APLF: variants seen among roughly 807,000 people sequenced by gnomAD.
The protein encoded by APLF is aprataxin and PNKP like factor.
APLF carries 61 observed loss-of-function variants against 55.6 expected under a neutral mutation model. That is an observed-to-expected ratio of 1.10 (90% CI 0.89 to 1.36). The LOEUF (loss-of-function observed/expected upper bound fraction) is 1.36, where lower values mean the gene tolerates loss of function less well. Ranked by LOEUF, APLF falls within the 40% of genes most tolerant of loss-of-function variation. The probability of loss-of-function intolerance (pLI) is 0.00; values close to 1 mark genes in which losing one functional copy is unlikely to be tolerated. For missense variants in APLF, 611 were observed against 602.5 expected, an observed-to-expected ratio of 1.01 and a Z score of -0.15; for synonymous variants, 207 against 214.8, an observed-to-expected ratio of 0.96 and a Z score of 0.32.
chr2:68,469,996 G>A (rs1675568496), intron 1 of APLF, among the ~76,000 whole-genome samples: 1 of 152,160 alleles, frequency 6.6e-6, no homozygotes, highest in South Asian at 2.1e-4. Flanking sequence ...TATTTTTATG[G>A]TGGTAGGAAA....
At position 68,578,536 on chromosome 2, in the gene APLF, A is replaced by C; in HGVS notation, c.*514A>C. On this transcript the variant is annotated 3_prime_UTR_variant, in exon 10 of 10. Coordinates refer to ENST00000303795, the MANE Select transcript of APLF (RefSeq NM_173545.3). ...AGATGTGAGCTTTGCAATTTCACTTACTACTTTTATCCTTCAAAACTTGGG... is the reference window on the plus strand; with the variant it reads ...AGATGTGAGCTTTGCAATTTCACTTCCTACTTTTATCCTTCAAAACTTGGG... 1 of 985,842 alleles carries C rather than the reference A, an allele frequency of 1.0e-6. No homozygotes were observed. The highest frequency in any genetic ancestry group is 1.2e-6 in the Non-Finnish European group (1 of 830,304). The allele number at this position is 985,842 out of a possible 1,614,324, so 61.1% of individuals were successfully genotyped here.
intron 2 of APLF, among the ~76,000 whole-genome samples, chr2:68,491,547 C>T (rs1676361462): frequency 6.6e-6 from 1 of 152,146 alleles, no homozygotes; most frequent in African/African-American, 2.4e-5. Context: ...AATGAACTAC[C>T]ATGGCCTAAA....
At position 68,529,334 on chromosome 2, in the gene APLF, A is replaced by T. The variant is rs1670176271; in HGVS notation, c.804+3092A>T. The T allele has an allele frequency of 4.5e-6, 6 of 1,347,308 alleles. No individual in the cohort carries two copies. The highest frequency in any genetic ancestry group is 5.7e-6 in the Non-Finnish European group (6 of 1,050,594). The allele number at this position is 1,347,308 out of a possible 1,614,324, so 83.5% of individuals were successfully genotyped here. A position where few individuals can be genotyped will look rare whatever the true frequency, so the allele number is the denominator to read the frequency against. On this transcript the variant is annotated intron_variant, in intron 6 of 9. Coordinates refer to ENST00000303795, the MANE Select transcript of APLF (RefSeq NM_173545.3). This position sits in a 1 kb window ranked among gnomAD's most constrained non-coding sequence, Gnocchi z 4.4. The stretch of plus-strand genomic sequence containing the variant: ...ACAGCCAAAGAGTCCTGGGGCAGGC[A>T]CAGGTGCAGGAGCCGCGGGGTGAGC...
chr2:68,493,740 G>C lies in APLF; in HGVS notation c.168+3479G>C, dbSNP rs560785003. ...ACAATTTGGGAGGTGAAGGCGGGCA[G>C]ATCACTTAAGGTCAGAAGTTCAAGA... is the stretch of plus-strand genomic sequence containing the variant. On this transcript the variant is annotated intron_variant, in intron 2 of 9. Coordinates refer to ENST00000303795, the MANE Select transcript of APLF (RefSeq NM_173545.3). Among the ~76,000 whole-genome samples the C allele has an allele frequency of 9.3e-4, 142 of 152,284 alleles. 1 individual carries two copies. Among genetic ancestry groups the C allele is most frequent in the Non-Finnish European group, 1.9e-3 (126 of 68,018 alleles).
At chr2:68,481,121 G>C (rs895611351) in intron 1 of APLF, among the ~76,000 whole-genome samples, 1 of 152,108 alleles carries the variant, frequency 6.6e-6, no homozygotes, top group Non-Finnish European at 1.5e-5. Flanking sequence ...GGGTAATACT[G>C]GCTTCATGTA....
chr2:68,549,603 T>TA (rs1474133503), intron 8 of APLF, among the ~76,000 whole-genome samples: 1 of 152,182 alleles, frequency 6.6e-6, no homozygotes, highest in African/African-American at 2.4e-5. Flanking sequence ...GGTGTGCACT[T>TA]ACATGTGTAT....
At chr2:68,483,012 C>G (rs1345781681) in intron 1 of APLF, among the ~76,000 whole-genome samples, 2 of 151,604 alleles carry the variant, frequency 1.3e-5, no homozygotes, top group Non-Finnish European at 2.9e-5. Flanking sequence ...GGCCCAGGCT[C>G]TCAGTAACTG....
chr2:68,490,622 A>C (rs1676328815), intron 2 of APLF, among the ~76,000 whole-genome samples: 1 of 152,208 alleles, frequency 6.6e-6, no homozygotes, highest in African/African-American at 2.4e-5. Context: ...TTATAGGGTT[A>C]TATTTTAACA....
chr2:68,507,026 G>T (rs1206879016), intron 3 of APLF, among the ~76,000 whole-genome samples: 1 of 151,932 alleles, frequency 6.6e-6, no homozygotes, highest in Non-Finnish European at 1.5e-5. Flanking sequence ...TTTGGAGAAG[G>T]AATGGGAGGG....
chr2:68,467,810 C>T lies in APLF; in HGVS notation c.79C>T (p.Arg27Cys). The stretch of plus-strand genomic sequence containing the variant: ...GGCGCCCGGGGAGACGGTGATCGGC[C>T]GCGGGCCGCTGCTGGGAGTAAGTGT... ...ALAPGETVIG[R>C]GPLLGITDKR... Residue 27 changes from arginine (R) to cysteine (C), a missense_variant, in exon 1 of 10, where the codon CGC becomes TGC. Coordinates refer to ENST00000303795, the MANE Select transcript of APLF (RefSeq NM_173545.3). The T allele has an allele frequency of 3.2e-6, 4 of 1,233,560 alleles. No homozygotes were observed. Among genetic ancestry groups the T allele is most frequent in the Non-Finnish European group, 3.0e-6 (3 of 988,136 alleles). The allele number at this position is 1,233,560 out of a possible 1,614,324, so 76.4% of individuals were successfully genotyped here. A position where few individuals can be genotyped will look rare whatever the true frequency, so the allele number is the denominator to read the frequency against.
intron 9 of APLF, among the ~76,000 whole-genome samples, chr2:68,577,039 T>C (rs956255914): frequency 1.3e-5 from 2 of 152,186 alleles, no homozygotes; most frequent in Non-Finnish European, 2.9e-5. Context: ...AGTATTATAA[T>C]ATTACTTAGA....
At chr2:68,545,969 A>G (rs1670692286) in intron 8 of APLF, among the ~76,000 whole-genome samples, 1 of 152,172 alleles carries the variant, frequency 6.6e-6, no homozygotes, top group Non-Finnish European at 1.5e-5. Context: ...TCAGCTTTAC[A>G]GAGCTTTAAT....
intron 8 of APLF, among the ~76,000 whole-genome samples, chr2:68,566,957 A>G (rs918862999): frequency 2.0e-5 from 3 of 152,074 alleles, no homozygotes; most frequent in Non-Finnish European, 4.4e-5. Context: ...TTAATACTGT[A>G]GGCACATATG....
chr2:68,505,455 A>G (rs1041166438), intron 3 of APLF, among the ~76,000 whole-genome samples: 1 of 152,022 alleles, frequency 6.6e-6, no homozygotes, highest in Non-Finnish European at 1.5e-5. Flanking sequence ...CTTTAAATTT[A>G]TCAGGTTATG....
At chr2:68,491,732 G>T (rs1676366958) in intron 2 of APLF, among the ~76,000 whole-genome samples, 1 of 152,144 alleles carries the variant, frequency 6.6e-6, no homozygotes, top group African/African-American at 2.4e-5. Context: ...CACCTGAATA[G>T]TGTACATTGT....
At chr2:68,469,859 T>G (rs960774941) in intron 1 of APLF, among the ~76,000 whole-genome samples, 1 of 152,246 alleles carries the variant, frequency 6.6e-6, no homozygotes. Flanking sequence ...TTGAACTTTC[T>G]TAATTGGGCA....
intron 5 of APLF, among the ~76,000 whole-genome samples, chr2:68,523,005 G>T (rs544811399): frequency 1.3e-4 from 20 of 151,784 alleles, no homozygotes; most frequent in African/African-American, 4.8e-4. Flanking sequence ...TAAATAAAAA[G>T]GAAAAATACT....
intron 8 of APLF, chr2:68,563,327 T>C: frequency 1.0e-6 from 1 of 984,052 alleles, no homozygotes; most frequent in Non-Finnish European, 1.2e-6. Flanking sequence ...CTCTTCCTTT[T>C]TGGAATAATT....
chr2:68,521,571 T>C (rs1337646958), intron 5 of APLF, among the ~76,000 whole-genome samples: 1 of 151,964 alleles, frequency 6.6e-6, no homozygotes, highest in African/African-American at 2.4e-5. Flanking sequence ...CAGAGTCTCC[T>C]CTTTCTTGAT....
Sources: allele counts gnomAD v4.1 joint callset (sites outside exome capture counted in the v4.1 genomes callset), GRCh38; gene constraint gnomAD v4.1.1; non-coding constraint Gnocchi (gnomAD v3.1); transcripts MANE v1.5; gene names NCBI Gene and HGNC (gene_info 2026-07-23, HGNC 2026-07-21).